The following CSRNP3 variants were observed in gnomAD, a reference collection of about 807,000 sequenced individuals.
The protein encoded by CSRNP3 is cysteine/serine-rich nuclear protein 3.
A neutral mutation model predicts 48.0 loss-of-function variants in CSRNP3; 12 were observed. The observed-to-expected ratio is 0.25, with a 90% CI of 0.16 to 0.41. The LOEUF (loss-of-function observed/expected upper bound fraction) is 0.41, where lower values mean the gene tolerates loss of function less well. CSRNP3 is among the 10% of genes least tolerant of loss of function. CSRNP3 has a pLI of 1.00. For synonymous variants in CSRNP3, 263 were observed against 269.7 expected, an observed-to-expected ratio of 0.98 and a Z score of 0.24; for missense variants, 580 against 724.4, an observed-to-expected ratio of 0.80 and a Z score of 2.29.
At chr2:165,618,788 G>C (rs12621848) in intron 4 of CSRNP3, among the ~76,000 whole-genome samples, 1 of 151,904 alleles carries the variant, frequency 6.6e-6, no homozygotes, top group Non-Finnish European at 1.5e-5. Context: ...TGTATTAGGA[G>C]AAAATATTTT....
chr2:165,627,732 C>T (rs748212932), intron 4 of CSRNP3, among the ~76,000 whole-genome samples: 41 of 152,136 alleles, frequency 2.7e-4, no homozygotes, highest in Admixed American at 9.2e-4. Flanking sequence ...CTCTCACAAT[C>T]GACTCCTCCC....
rs112072587 is a variant in CSRNP3 at position 165,646,568 on chromosome 2, C to T, written c.149-11193C>T. ...AGAGCTGAAGAATAGCAAATGTTTC[C>T]TTCTGTCATTGTGTCAGAATGCCTC... On this transcript the variant is annotated intron_variant, in intron 4 of 6. Transcript: ENST00000651982. 8.3e-4 allele frequency among the ~76,000 whole-genome samples: 126 copies of T among 152,280 alleles called. 1 individual carries two copies. Among genetic ancestry groups the T allele is most frequent in the African/African-American group, 3.0e-3 (125 of 41,566 alleles).
chr2:165,606,318 A>G (rs1022192043), intron 4 of CSRNP3, among the ~76,000 whole-genome samples: 9 of 148,574 alleles, frequency 6.1e-5, no homozygotes, highest in Admixed American at 3.3e-4. Flanking sequence ...ACGAGGAATT[A>G]GTATCTGAAT....
At chr2:165,649,130 T>C (rs1457930260) in intron 4 of CSRNP3, among the ~76,000 whole-genome samples, 1 of 152,246 alleles carries the variant, frequency 6.6e-6, no homozygotes, top group East Asian at 1.9e-4. Context: ...GTCATCTTTT[T>C]ATATTACTTC....
intron 3 of CSRNP3, among the ~76,000 whole-genome samples, chr2:165,519,529 G>T (rs745718778): frequency 6.6e-6 from 1 of 152,154 alleles, no homozygotes; most frequent in African/African-American, 2.4e-5. Flanking sequence ...AGAAGTTAAT[G>T]CAAGTAAAGT....
At chr2:165,494,595 A>G (rs560411330) in intron 1 of CSRNP3, among the ~76,000 whole-genome samples, 164 bp from the exon 2 acceptor site, 1 of 152,276 alleles carries the variant, frequency 6.6e-6, no homozygotes, top group South Asian at 2.1e-4. Context: ...GACTTAGGGT[A>G]GAATAGTTTT....
chr2:165,587,701 G>A (rs1469964019), intron 3 of CSRNP3, among the ~76,000 whole-genome samples: 2 of 152,186 alleles, frequency 1.3e-5, no homozygotes, highest in African/African-American at 4.8e-5. Context: ...CTAGTCCAGT[G>A]TTTTCCCAAC....
chr2:165,560,002 A>T (rs751119179), intron 3 of CSRNP3, among the ~76,000 whole-genome samples: 9 of 151,562 alleles, frequency 5.9e-5, no homozygotes, highest in African/African-American at 1.2e-4. Context: ...GGTTTCACCA[A>T]GTTAGCCAGG....
chr2:165,562,301 G>T (rs1685244950), intron 3 of CSRNP3, among the ~76,000 whole-genome samples: 1 of 152,192 alleles, frequency 6.6e-6, no homozygotes, highest in South Asian at 2.1e-4. Context: ...AAAAGTCATT[G>T]ACAATGGGGA....
chr2:165,517,765 T>C (rs1383952725), intron 2 of CSRNP3, 108 bp from the exon 3 acceptor site: 1 of 152,398 alleles, frequency 6.6e-6, no homozygotes, highest in Admixed American at 6.6e-5. Context: ...TAGTTTAAGA[T>C]TTCTATTGAT....
intron 3 of CSRNP3, among the ~76,000 whole-genome samples, chr2:165,525,959 C>T (rs1392528874): frequency 8.5e-5 from 13 of 152,152 alleles, no homozygotes; most frequent in Admixed American, 1.3e-4. Context: ...TATGTGCTTA[C>T]GGACATCCAA....
intron 5 of CSRNP3, among the ~76,000 whole-genome samples, chr2:165,665,797 GAGAGAAAGAGAGAA>G (rs1412202780): frequency 6.7e-6 from 1 of 149,368 alleles, no homozygotes; most frequent in Non-Finnish European, 1.5e-5. Context: ...GAGAGAGAGA[GAGAGAAAGAGAGAA>G]AGAGAAAGGA....
At chr2:165,658,358 A>G (rs78751126) in intron 5 of CSRNP3, among the ~76,000 whole-genome samples, 3,818 of 152,296 alleles carry the variant, frequency 0.025, 166 homozygotes, top group African/African-American at 0.084. Context: ...AAATATTAAT[A>G]AAAGTGCTAA....
chr2:165,576,323 G>A (rs1013343949), intron 3 of CSRNP3, among the ~76,000 whole-genome samples: 24 of 151,716 alleles, frequency 1.6e-4, no homozygotes, highest in African/African-American at 5.3e-4. Context: ...ATTCAGTAGC[G>A]CCTGTAGTTT....
At chr2:165,531,470 T>G (rs1011533139) in intron 3 of CSRNP3, among the ~76,000 whole-genome samples, 9 of 152,226 alleles carry the variant, frequency 5.9e-5, no homozygotes, top group African/African-American at 2.2e-4. Flanking sequence ...ATCTGCATGT[T>G]TCAGATTCTC....
At chr2:165,531,296 G>A (rs1287220531) in intron 3 of CSRNP3, among the ~76,000 whole-genome samples, 1 of 152,080 alleles carries the variant, frequency 6.6e-6, no homozygotes, top group Non-Finnish European at 1.5e-5. Flanking sequence ...TGAATTATTA[G>A]GTTGTTCAAT....
chr2:165,679,175 G>C lies in CSRNP3; in HGVS notation c.1180G>C (p.Val394Leu), dbSNP rs545751821. 8.1e-6 allele frequency: 13 copies of C among 1,613,922 alleles called. 1 individual carries two copies. In the South Asian group the frequency reaches 1.4e-4, roughly 18 times the overall value. Residue 394 changes from valine to leucine, a missense_variant, in exon 7 of 7, where the codon GTG becomes CTG. By Grantham distance (32) the Val-to-Leu change is conservative (BLOSUM62 1). Transcript: ENST00000651982. ...CGATGATGACAAAGGAGATGGCTTCGTGGAAGGTTTGGGCACCCATGCCGA... is the reference window on the plus strand; with the variant it reads ...CGATGATGACAAAGGAGATGGCTTCCTGGAAGGTTTGGGCACCCATGCCGA... Reference protein sequence around the residue: ...DDDDDKGDGFVEGLGTHAEVV... With the variant: ...DDDDDKGDGFLEGLGTHAEVV...
intron 3 of CSRNP3, among the ~76,000 whole-genome samples, chr2:165,544,815 G>A (rs66506812): frequency 0.15 from 23,307 of 152,050 alleles, 2,738 homozygotes; most frequent in African/African-American, 0.33. Flanking sequence ...GAGAGTCATC[G>A]TCATGAAAAT....
At chr2:165,588,193 A>G (rs1020671805) in intron 3 of CSRNP3, among the ~76,000 whole-genome samples, 1 of 152,258 alleles carries the variant, frequency 6.6e-6, no homozygotes, top group African/African-American at 2.4e-5. Flanking sequence ...AAAGACAGAG[A>G]GAAATTGCAA....
Sources: gnomAD v4.1 joint callset for allele counts (sites outside exome capture counted in the v4.1 genomes callset) on GRCh38, gnomAD v4.1.1 for gene constraint, MANE v1.5 for transcripts, NCBI Gene and HGNC (gene_info 2026-07-23, HGNC 2026-07-21) for gene names.